The following CDK6 variants were observed in gnomAD, a reference collection of about 807,000 sequenced individuals.
CDK6 encodes the protein cyclin-dependent kinase 6.
Under a neutral mutation model 37.1 loss-of-function variants are expected in CDK6, and 6 were observed. The observed-to-expected ratio is 0.16, with a 90% CI of 0.09 to 0.32. CDK6 has a LOEUF of 0.32. Among genes scored for constraint, CDK6 ranks in the 10% least tolerant of loss-of-function variants. CDK6 has a pLI of 1.00. For synonymous variants in CDK6, 160 were observed against 161.3 expected (o/e 0.99, Z 0.06); for missense variants, 224 against 418.9 (o/e 0.53, Z 4.06).
intron 2 of CDK6, among the ~76,000 whole-genome samples, chr7:92,801,365 A>G (rs1800569387): frequency 2.0e-5 from 3 of 152,156 alleles, no homozygotes; most frequent in African/African-American, 7.2e-5. Context: ...ATTGCCTTCA[A>G]AGTTTCTTTC....
At chr7:92,707,690 G>C (rs111702206) in intron 4 of CDK6, among the ~76,000 whole-genome samples, 1 of 152,202 alleles carries the variant, frequency 6.6e-6, no homozygotes, top group East Asian at 1.9e-4. Context: ...GAAAACGTGC[G>C]TGCATGCGCA....
At chr7:92,725,175 CT>C in intron 4 of CDK6, 1 of 985,402 alleles carries the variant, frequency 1.0e-6, no homozygotes. Context: ...TTCTTTACAG[CT>C]GGCACCATAG....
intron 2 of CDK6, among the ~76,000 whole-genome samples, chr7:92,781,360 AC>A (rs1799987269): frequency 6.6e-6 from 1 of 152,244 alleles, no homozygotes; most frequent in Non-Finnish European, 1.5e-5. Flanking sequence ...TTATCTAATA[AC>A]AAAATATCTC....
chr7:92,612,190 A>T lies in CDK6; in HGVS notation c.*2950T>A, dbSNP rs1016678610. On this transcript the variant is annotated 3_prime_UTR_variant, in exon 8 of 8. Transcript: ENST00000424848. ...CTGAGCCGCCAGAACCAAACATCAA[A>T]CAGAAACTAGCAGGGACATTCTTGT... 4.3e-6 allele frequency: 1 copy of T among 233,014 alleles called. No homozygotes were observed. Among genetic ancestry groups the T allele is most frequent in the African/African-American group, 2.2e-5 (1 of 45,344 alleles). The allele number at this position is 233,014 out of a possible 1,614,324, so 14.4% of individuals were successfully genotyped here.
intron 2 of CDK6, among the ~76,000 whole-genome samples, chr7:92,782,702 GC>G: frequency 6.6e-6 from 1 of 152,214 alleles, no homozygotes; most frequent in South Asian, 2.1e-4. Flanking sequence ...CCACACCTGG[GC>G]CCAGTGTGTT....
chr7:92,682,191 ACTCTCCTG>A (rs1797353130), intron 4 of CDK6, among the ~76,000 whole-genome samples: 1 of 151,336 alleles, frequency 6.6e-6, no homozygotes, highest in East Asian at 1.9e-4. Context: ...TGTGCTCACC[ACTCTCCTG>A]CTTAAAATCC....
intron 4 of CDK6, among the ~76,000 whole-genome samples, chr7:92,721,743 A>G (rs1198144073): frequency 2.6e-5 from 4 of 152,232 alleles, no homozygotes; most frequent in African/African-American, 9.6e-5. Flanking sequence ...AGCTACAACT[A>G]TGGTCCAGGC....
chr7:92,610,293 G>C lies in CDK6; in HGVS notation c.*4847C>G. The C allele has an allele frequency of 4.3e-6, 1 of 232,134 alleles. No individual in the cohort carries two copies. The highest frequency in any genetic ancestry group is 1.3e-3 in the Middle Eastern group (1 of 782). The allele number at this position is 232,134 out of a possible 1,614,324, so 14.4% of individuals were successfully genotyped here. On this transcript the variant is annotated 3_prime_UTR_variant, in exon 8 of 8. Transcript: ENST00000424848. ...TTGTTTTCTTCCTAAGGCTAGACAAGGTAACAATATGTTGAAGGAAGTCCA... is the reference window on the plus strand; with the variant it reads ...TTGTTTTCTTCCTAAGGCTAGACAACGTAACAATATGTTGAAGGAAGTCCA...
At chr7:92,821,952 C>G (rs558137687) in intron 2 of CDK6, among the ~76,000 whole-genome samples, 1 of 151,952 alleles carries the variant, frequency 6.6e-6, no homozygotes. Context: ...TAGGGGAATG[C>G]ATGTCAATAT....
intron 3 of CDK6, among the ~76,000 whole-genome samples, chr7:92,728,170 G>A (rs563142714): frequency 6.6e-6 from 1 of 152,136 alleles, no homozygotes; most frequent in Non-Finnish European, 1.5e-5. Context: ...TTGCTAAGAT[G>A]TATAGATGCA....
intron 5 of CDK6, among the ~76,000 whole-genome samples, chr7:92,631,535 C>T (rs1241553178): frequency 6.6e-6 from 1 of 152,168 alleles, no homozygotes; most frequent in Admixed American, 6.5e-5. Flanking sequence ...CCTCATACCA[C>T]AATTCAAGAT....
At chr7:92,736,028 T>A (rs928321905) in intron 3 of CDK6, among the ~76,000 whole-genome samples, 1 of 152,166 alleles carries the variant, frequency 6.6e-6, no homozygotes, top group Non-Finnish European at 1.5e-5. Context: ...GCACTGGGTT[T>A]TGAGCTAAAA....
In CDK6 at chr7:92,756,170, AG is replaced by A. The variant is rs373363370; in HGVS notation, c.369+18525del. ...GGCATGTAAAATTGTAAAAAAAAAA[AG>A]AAAAAAAGACCCAGCAAAAAACTCA... On this transcript the variant is annotated intron_variant, in intron 3 of 7. Transcript: ENST00000424848. Among the ~76,000 whole-genome samples the A allele has an allele frequency of 5.6e-4, 84 of 151,110 alleles. 2 individuals are homozygous for A. Among genetic ancestry groups the A allele is most frequent in the Admixed American group, 2.1e-3 (32 of 15,190 alleles).
At chr7:92,782,150 T>C (rs1800008225) in intron 2 of CDK6, among the ~76,000 whole-genome samples, 2 of 152,230 alleles carry the variant, frequency 1.3e-5, no homozygotes, top group Non-Finnish European at 2.9e-5. Context: ...ATGACAGATA[T>C]TGTTTTTAAA....
Position 92,610,744 on chromosome 7 carries a change from T to A in CDK6, c.*4396A>T, listed in dbSNP as rs1450089934. On this transcript the variant is annotated 3_prime_UTR_variant, in exon 8 of 8. Transcript: ENST00000424848. Reference sequence around the variant, plus strand: ...TCAATAAGTTTTTCCACTGTGGAGATGGAACATGTAAATATCTTCCTAATT... The same window carrying A: ...TCAATAAGTTTTTCCACTGTGGAGAAGGAACATGTAAATATCTTCCTAATT... 1 of 228,176 alleles carries A rather than the reference T, an allele frequency of 4.4e-6. No individual in the cohort carries two copies. The highest frequency in any genetic ancestry group is 1.3e-3 in the Middle Eastern group (1 of 756). The allele number at this position is 228,176 out of a possible 1,614,324, so 14.1% of individuals were successfully genotyped here. A position where few individuals can be genotyped will look rare whatever the true frequency, so the allele number is the denominator to read the frequency against.
At chr7:92,791,701 A>G (rs1054031875) in intron 2 of CDK6, among the ~76,000 whole-genome samples, 4 of 152,166 alleles carry the variant, frequency 2.6e-5, no homozygotes, top group African/African-American at 9.6e-5. Context: ...ACATACCTCG[A>G]GGGGAAGTGG....
intron 2 of CDK6, among the ~76,000 whole-genome samples, chr7:92,789,255 GT>G (rs34722635): frequency 1.3e-5 from 2 of 152,282 alleles, no homozygotes; most frequent in African/African-American, 4.8e-5. Context: ...AGCTGAGGGA[GT>G]TTTTTGCCAA....
chr7:92,707,198 T>A (rs1448631796), intron 4 of CDK6, among the ~76,000 whole-genome samples: 1 of 152,222 alleles, frequency 6.6e-6, no homozygotes, highest in Non-Finnish European at 1.5e-5. Context: ...CACTTTTTCA[T>A]GTATTAACTC....
chr7:92,719,523 GA>G (rs1046775166), intron 4 of CDK6, among the ~76,000 whole-genome samples: 1 of 151,984 alleles, frequency 6.6e-6, no homozygotes, highest in African/African-American at 2.4e-5. Flanking sequence ...AGGTAATATG[GA>G]AAAAAAGATT....
Sources: gnomAD v4.1 joint callset for allele counts (sites outside exome capture counted in the v4.1 genomes callset) on GRCh38, gnomAD v4.1.1 for gene constraint, MANE v1.5 for transcripts, NCBI Gene and HGNC (gene_info 2026-07-23, HGNC 2026-07-21) for gene names.